ARNT: variants seen among roughly 807,000 people sequenced by gnomAD.
ARNT encodes the protein class E basic helix-loop-helix protein 2.
ARNT carries 30 observed loss-of-function variants against 105.0 expected under a neutral mutation model. The observed-to-expected ratio is 0.29, with a 90% CI of 0.21 to 0.39. The LOEUF (loss-of-function observed/expected upper bound fraction) is 0.39, where lower values mean the gene tolerates loss of function less well. ARNT is among the 10% of genes least tolerant of loss of function. ARNT has a pLI of 1.00. For missense variants in ARNT, 748 were observed against 978.7 expected (o/e 0.76, Z 3.15); for synonymous variants, 304 against 344.0 (o/e 0.88, Z 1.29).
At chr1:150,820,668 C>T (rs1256361829) in intron 14 of ARNT, among the ~76,000 whole-genome samples, 1 of 112,122 alleles carries the variant, frequency 8.9e-6, no homozygotes, top group Non-Finnish European at 2.1e-5. Flanking sequence ...AAAAACAAAA[C>T]AAAACAAAAC....
At chr1:150,828,597 T>C (rs1658754259) in intron 12 of ARNT, among the ~76,000 whole-genome samples, 1 of 152,146 alleles carries the variant, frequency 6.6e-6, no homozygotes, top group Non-Finnish European at 1.5e-5. Context: ...CAAGACCTCT[T>C]TTTCACCAAC....
intron 4 of ARNT, 40 bp downstream of exon 4, chr1:150,846,223 C>T (rs1194822102): frequency 1.9e-6 from 3 of 1,541,046 alleles, no homozygotes; most frequent in African/African-American, 2.7e-5. Context: ...CAACATGGAT[C>T]ATATTATATA....
intron 1 of ARNT, among the ~76,000 whole-genome samples, chr1:150,871,939 T>G: frequency 1.4e-5 from 2 of 146,152 alleles, no homozygotes; most frequent in East Asian, 2.0e-4. Context: ...AAAAGGCCTT[T>G]GCAATATAAT....
At chr1:150,838,817 C>T (rs1229900648) in intron 6 of ARNT, among the ~76,000 whole-genome samples, 2 of 152,206 alleles carry the variant, frequency 1.3e-5, no homozygotes, top group East Asian at 3.8e-4. Context: ...GCCATCCCTT[C>T]AGTATGTCTA....
rs1258109995 is a variant in ARNT at position 150,816,878 on chromosome 1, C to G, written c.1712G>C (p.Gly571Ala). 7.5e-6 allele frequency: 12 copies of G among 1,605,538 alleles called. No individual in the cohort carries two copies. In the Admixed American group the frequency reaches 1.1e-4, roughly 14 times the overall value. ...YHNINADQSK[G>A]ISSSTVPATQ... is the part of the protein sequence containing the mutation. The stretch of plus-strand genomic sequence containing the variant: ...GGCAGGGACAGTGCTGGAGGAGATG[C>G]CTTTACTCTGATCTGTGGACCAAAA... Residue 571 changes from glycine (G) to alanine (A), a missense_variant, in exon 18 of 22, where the codon GGC (glycine) becomes GCC (alanine). Physicochemically the swap from Gly to Ala is moderately conservative, Grantham distance 60. Transcript: ENST00000358595.
At chr1:150,859,929 C>G (rs1283367250) in intron 1 of ARNT, among the ~76,000 whole-genome samples, 1 of 151,730 alleles carries the variant, frequency 6.6e-6, no homozygotes, top group African/African-American at 2.4e-5. Flanking sequence ...ATCACTTGAG[C>G]CTGGGAAGTC....
chr1:150,846,206 G>C, intron 4 of ARNT, 57 bp downstream of exon 4: 1 of 1,470,544 alleles, frequency 6.8e-7, no homozygotes, highest in Non-Finnish European at 9.5e-7. Context: ...AGGACTGTCT[G>C]GTTCTACAAC....
At chr1:150,874,197 C>T (rs587720091) in intron 1 of ARNT, among the ~76,000 whole-genome samples, 62 of 152,238 alleles carry the variant, frequency 4.1e-4, no homozygotes, top group Non-Finnish European at 8.4e-4. Flanking sequence ...CAGTACATTT[C>T]CACCTATGTC....
At chr1:150,816,965 T>C in intron 17 of ARNT, 75 bp from the exon 18 acceptor site, 1 of 1,600,414 alleles carries the variant, frequency 6.2e-7, no homozygotes, top group Non-Finnish European at 8.5e-7. Context: ...TCCTATTTAC[T>C]CAGGTGGTAT....
At position 150,846,291 on chromosome 1, in the gene ARNT, T is replaced by C; in HGVS notation, c.199A>G (p.Met67Val). The change falls in exon 4 of 22, where the codon ATG (methionine) becomes GTG (valine). Residue 67 changes from methionine to valine, a missense_variant. Coordinates refer to ENST00000358595, the MANE Select transcript of ARNT (RefSeq NM_001668.4). Reference sequence around the variant, plus strand: ...GCAAACCGCTCCTTATCGTTAGACATCTGATCATCATCACACCTGAAGGAG... The same window carrying C: ...GCAAACCGCTCCTTATCGTTAGACACCTGATCATCATCACACCTGAAGGAG... Reference protein sequence around the residue: ...SKFLRCDDDQMSNDKERFARS... With the variant: ...SKFLRCDDDQVSNDKERFARS... The C allele has an allele frequency of 6.2e-7, 1 of 1,613,820 alleles. No individual in the cohort carries two copies. Among genetic ancestry groups the C allele is most frequent in the Non-Finnish European group, 8.5e-7 (1 of 1,179,760 alleles).
At chr1:150,820,621 C>T (rs1323208050) in intron 14 of ARNT, among the ~76,000 whole-genome samples, 1 of 152,166 alleles carries the variant, frequency 6.6e-6, no homozygotes, top group Non-Finnish European at 1.5e-5. Context: ...CACACCACTG[C>T]ATTCCAGCCT....
intron 13 of ARNT, 59 bp downstream of exon 13, chr1:150,826,484 A>G (rs1658293742): frequency 5.1e-6 from 7 of 1,382,450 alleles, no homozygotes; most frequent in Non-Finnish European, 7.2e-6. Context: ...TCAGTAGTCA[A>G]TATTTATGGA....
In ARNT at chr1:150,816,806, C is replaced by T. The variant is rs768182420; in HGVS notation, c.1784G>A (p.Arg595Gln). ...GGCTCACCTGAAATTCTCTGCCGGCCGGGGGGTAGGAGGGAATGTGTTGCC... is the reference window on the plus strand; with the variant it reads ...GGCTCACCTGAAATTCTCTGCCGGCTGGGGGGTAGGAGGGAATGTGTTGCC... ...SQGNTFPPTP[R>Q]PAENFRNSGL... The change falls in exon 18 of 22, where the codon CGG becomes CAG. Residue 595 changes from arginine to glutamine, a missense_variant. Arg to Gln is a conservative substitution (Grantham distance 43, BLOSUM62 1). Coordinates refer to ENST00000358595, the MANE Select transcript of ARNT (RefSeq NM_001668.4). 8.8e-6 allele frequency: 14 copies of T among 1,582,048 alleles called. No homozygotes were observed. Among genetic ancestry groups the T allele is most frequent in the African/African-American group, 6.9e-5 (5 of 72,364 alleles).
At chr1:150,814,966 G>C (rs1407374149) in intron 19 of ARNT, among the ~76,000 whole-genome samples, 1 of 152,080 alleles carries the variant, frequency 6.6e-6, no homozygotes, top group Non-Finnish European at 1.5e-5. Context: ...TCTCATGAGA[G>C]TTCTGTATAT....
intron 1 of ARNT, among the ~76,000 whole-genome samples, chr1:150,860,629 G>A (rs984145425): frequency 6.6e-6 from 1 of 151,992 alleles, no homozygotes; most frequent in Non-Finnish European, 1.5e-5. Flanking sequence ...GCCAAGGCGG[G>A]CATATCACCT....
At chr1:150,856,825 T>C (rs184486297) in intron 2 of ARNT, among the ~76,000 whole-genome samples, 240 of 152,240 alleles carry the variant, frequency 1.6e-3, no homozygotes, top group Admixed American at 2.6e-3. Flanking sequence ...ACAGGTGAAG[T>C]GGCTCACGCC....
At chr1:150,826,403 C>T (rs1018947048) in intron 13 of ARNT, 140 bp downstream of exon 13, 1 of 659,794 alleles carries the variant, frequency 1.5e-6, no homozygotes, top group Admixed American at 2.6e-5. Context: ...TAGTCCTTTT[C>T]TATTCCTTAA....
At chr1:150,861,366 G>T (rs1174832177) in intron 1 of ARNT, 1 of 366,598 alleles carries the variant, frequency 2.7e-6, no homozygotes, top group Non-Finnish European at 5.3e-6. Context: ...ATTACCACAT[G>T]ATCCAGCAAT....
chr1:150,845,557 G>C lies in ARNT; in HGVS notation c.227+706C>G, dbSNP rs367614618. ...CAGGAGGCAGAGGTTACAGTGAGCC[G>C]AGATTACACCACTGTACTACAGCAT... is the stretch of plus-strand genomic sequence containing the variant. On this transcript the variant is annotated intron_variant, in intron 4 of 21. Coordinates refer to ENST00000358595, the MANE Select transcript of ARNT (RefSeq NM_001668.4). 1.8e-4 allele frequency among the ~76,000 whole-genome samples: 28 copies of C among 151,756 alleles called. 1 individual carries two copies. In the East Asian group the frequency reaches 3.9e-3, roughly 21 times the overall value.
Sources: gnomAD v4.1 joint callset for allele counts (sites outside exome capture counted in the v4.1 genomes callset) on GRCh38, gnomAD v4.1.1 for gene constraint, MANE v1.5 for transcripts, NCBI Gene and HGNC (gene_info 2026-07-23, HGNC 2026-07-21) for gene names.